The following UTRN variants were observed in gnomAD, a reference collection of about 807,000 sequenced individuals.
UTRN encodes the protein dystrophin-related protein 1.
UTRN carries 283 observed loss-of-function variants against 463.9 expected under a neutral mutation model. The ratio of observed to expected loss-of-function variants is 0.61; its 90% CI spans 0.55 to 0.67. The LOEUF (loss-of-function observed/expected upper bound fraction) is 0.67. Ranked by LOEUF, UTRN falls within the 30% of genes least tolerant of loss-of-function variation. UTRN has a pLI of 0.00. For synonymous variants in UTRN, 1,442 were observed against 1,431.5 expected (o/e 1.01, Z -0.17); for missense variants, 3,922 against 4,084.3 (o/e 0.96, Z 1.08).
intron 58 of UTRN, among the ~76,000 whole-genome samples, chr6:144,766,588 A>G (rs1562881539): frequency 2.0e-5 from 3 of 151,952 alleles, no homozygotes; most frequent in Admixed American, 2.0e-4. Flanking sequence ...TGGCCACTCC[A>G]CTTGGCACCA....
chr6:144,529,789 T>TA (rs1481822804), intron 41 of UTRN, among the ~76,000 whole-genome samples: 1 of 151,976 alleles, frequency 6.6e-6, no homozygotes, highest in Non-Finnish European at 1.5e-5. Context: ...CCATTTTATT[T>TA]AAAAAATATA....
intron 69 of UTRN, among the ~76,000 whole-genome samples, chr6:144,833,215 A>G (rs1465513621): frequency 6.6e-6 from 1 of 152,130 alleles, no homozygotes; most frequent in Non-Finnish European, 1.5e-5. Flanking sequence ...ATTTTGCATT[A>G]TCCTTGCTCA....
At position 144,840,705 on chromosome 6, in the gene UTRN, A is replaced by G. The variant is rs755920652; in HGVS notation, c.10178-35A>G. 3.1e-6 allele frequency: 5 copies of G among 1,610,472 alleles called. No homozygotes were observed. The East Asian group carries it at 8.9e-5, about 29-fold the overall frequency. On this transcript the variant is annotated intron_variant, in intron 72 of 74. Coordinates refer to ENST00000367545, the MANE Select transcript of UTRN (RefSeq NM_007124.3). ...TAGTGGAAGGCTAGACATTAATTTGAGAAGCTTTGTTGTTCTCTTTATTTG... is the reference window on the plus strand; with the variant it reads ...TAGTGGAAGGCTAGACATTAATTTGGGAAGCTTTGTTGTTCTCTTTATTTG...
chr6:144,418,866 A>G (rs868279967), intron 3 of UTRN, among the ~76,000 whole-genome samples: 3 of 152,018 alleles, frequency 2.0e-5, no homozygotes, highest in Non-Finnish European at 4.4e-5. Context: ...GTTTTATATT[A>G]TACTATTTTT....
intron 41 of UTRN, among the ~76,000 whole-genome samples, chr6:144,527,259 A>G (rs1232698556): frequency 6.6e-6 from 1 of 152,188 alleles, no homozygotes; most frequent in Non-Finnish European, 1.5e-5. Flanking sequence ...TATGAAGCTT[A>G]GTTTCACTGG....
intron 17 of UTRN, among the ~76,000 whole-genome samples, chr6:144,449,461 C>T (rs988855150): frequency 1.3e-5 from 2 of 152,154 alleles, no homozygotes; most frequent in African/African-American, 4.8e-5. Context: ...GCGATCATTG[C>T]ATCACTCTTG....
In UTRN at chr6:144,491,115, G is replaced by T; in HGVS notation, c.4437+13G>T. The T allele has an allele frequency of 6.3e-7, 1 of 1,584,990 alleles. No homozygotes were observed. Among genetic ancestry groups the T allele is most frequent in the Non-Finnish European group, 8.6e-7 (1 of 1,166,294 alleles). On this transcript the variant is annotated intron_variant, in intron 32 of 74. Transcript: ENST00000367545. ...GGACAAGTGTATGGTGAGGCTTTTG[G>T]GTGATTGGCACATCCAGTGGCTTTT...
At chr6:144,474,898 G>A (rs374714615) in intron 25 of UTRN, 139 bp downstream of exon 25, 7 of 946,010 alleles carry the variant, frequency 7.4e-6, no homozygotes, top group African/African-American at 6.9e-5. Context: ...GTGAGCTGGG[G>A]CCAAAAAAAA....
At chr6:144,742,205 A>G (rs1790175298) in intron 54 of UTRN, among the ~76,000 whole-genome samples, 1 of 152,198 alleles carries the variant, frequency 6.6e-6, no homozygotes, top group African/African-American at 2.4e-5. Flanking sequence ...ATCTGCTCTG[A>G]GTAGCCTCTT....
chr6:144,599,968 G>T (rs964797632), intron 51 of UTRN, among the ~76,000 whole-genome samples: 2 of 151,944 alleles, frequency 1.3e-5, no homozygotes, highest in African/African-American at 4.8e-5. Context: ...GCAATATTTC[G>T]AACTTTTTCA....
At position 144,458,899 on chromosome 6, in the gene UTRN, A is replaced by G. The variant is rs1789133030; in HGVS notation, c.2414A>G (p.Lys805Arg). 1 of 1,613,856 alleles carries G rather than the reference A, an allele frequency of 6.2e-7. No individual in the cohort carries two copies. Among genetic ancestry groups the G allele is most frequent in the African/African-American group, 1.3e-5 (1 of 74,916 alleles). The change falls in exon 20 of 75, where the codon AAG (lysine) becomes AGG (arginine). Residue 805 changes from lysine to arginine, a missense_variant. This residue lies in a region of UTRN where 2,349 missense variants were observed against 2,303.8 expected (regional missense o/e 1.02). Transcript: ENST00000367545. ...QLQEDINAYF[K>R]QLDELEKVIK... Reference sequence around the variant, plus strand: ...CAGGAAGATATAAATGCTTATTTCAAGCAGCTTGATGAGCTTGAAAAGGTC... The same window carrying G: ...CAGGAAGATATAAATGCTTATTTCAGGCAGCTTGATGAGCTTGAAAAGGTC...
intron 50 of UTRN, among the ~76,000 whole-genome samples, chr6:144,574,371 T>A (rs1562593709): frequency 6.6e-6 from 1 of 152,222 alleles, no homozygotes; most frequent in East Asian, 1.9e-4. Context: ...GCAGAATGCA[T>A]GTGAGATTCC....
intron 74 of UTRN, among the ~76,000 whole-genome samples, chr6:144,850,140 C>T (rs1471810842): frequency 6.6e-6 from 1 of 152,156 alleles, no homozygotes; most frequent in African/African-American, 2.4e-5. Flanking sequence ...CTGAAGAATC[C>T]AAATTTGAAT....
At chr6:144,634,504 A>G (rs1287605001) in intron 51 of UTRN, among the ~76,000 whole-genome samples, 1 of 152,230 alleles carries the variant, frequency 6.6e-6, no homozygotes, top group Non-Finnish European at 1.5e-5. Context: ...GGTTAAGATT[A>G]ACGGAGACAA....
intron 63 of UTRN, among the ~76,000 whole-genome samples, chr6:144,795,184 C>T (rs1054819865): frequency 1.3e-5 from 2 of 152,158 alleles, no homozygotes; most frequent in Admixed American, 6.5e-5. Context: ...ATCCATTTCC[C>T]TGCAAGGGAC....
Position 144,421,923 on chromosome 6 carries a change from G to T in UTRN, c.187G>T (p.Gly63Ter). 6.2e-7 allele frequency: 1 copy of T among 1,613,022 alleles called. No individual in the cohort carries two copies. The highest frequency in any genetic ancestry group is 8.5e-7 in the Non-Finnish European group (1 of 1,179,520). ...INDMFTDLKD[G>*]RKLLDLLEGL... ...TGATATGTTCACAGACCTCAAAGAT[G>T]GAAGGAAGCTATTGGATCTTCTAGA... The change falls in exon 4 of 75, where the codon GGA (glycine) becomes TGA (stop). Residue 63 changes from glycine to a stop codon, truncating the protein, a stop_gained. Transcript: ENST00000367545. LOFTEE classifies it high-confidence loss of function.
intron 2 of UTRN, among the ~76,000 whole-genome samples, chr6:144,359,724 T>G (rs919614382): frequency 6.6e-6 from 1 of 152,048 alleles, no homozygotes; most frequent in Non-Finnish European, 1.5e-5. Flanking sequence ...CGCATCGTTT[T>G]TTTTTTTTTT....
At chr6:144,718,927 G>C (rs968109077) in intron 53 of UTRN, among the ~76,000 whole-genome samples, 3 of 152,154 alleles carry the variant, frequency 2.0e-5, no homozygotes, top group African/African-American at 7.2e-5. Context: ...ATCCCTGAAG[G>C]GTCAAAAGGG....
chr6:144,610,711 C>T (rs1805405534), intron 51 of UTRN, among the ~76,000 whole-genome samples: 1 of 152,116 alleles, frequency 6.6e-6, no homozygotes. Flanking sequence ...CCCGTCTCTA[C>T]TAAAAATACA....
Sources: allele counts gnomAD v4.1 joint callset (sites outside exome capture counted in the v4.1 genomes callset), GRCh38; gene constraint gnomAD v4.1.1; regional missense constraint gnomAD v4.1.1; transcripts MANE v1.5; gene names NCBI Gene and HGNC (gene_info 2026-07-23, HGNC 2026-07-21).